Variants in HEATR5A observed in about 807,000 individuals in gnomAD.
HEATR5A encodes the protein HEAT repeat-containing protein 5A.
A neutral mutation model predicts 218.8 loss-of-function variants in HEATR5A; 178 were observed. That is an observed-to-expected ratio of 0.81 (90% CI 0.72 to 0.92). The LOEUF (loss-of-function observed/expected upper bound fraction) is 0.92, where lower values mean the gene tolerates loss of function less well. Ranked by LOEUF, HEATR5A falls within the 40% of genes least tolerant of loss-of-function variation. HEATR5A has a pLI of 0.00. For missense variants in HEATR5A, 2,420 were observed against 2,418.9 expected (o/e 1.00, Z -0.01); for synonymous variants, 864 against 871.6 (o/e 0.99, Z 0.15).
At chr14:31,395,447 A>G (rs2139296467) in intron 4 of HEATR5A, 99 bp from the exon 5 acceptor site, 1 of 559,562 alleles carries the variant, frequency 1.8e-6, no homozygotes. Context: ...AAATATCCAG[A>G]CTTCTCTACA....
rs1383139678 is a variant in HEATR5A, at chr14:31,386,409, A to G, written c.1345+11T>C. ...GTACAAGGTATTCCAATGAGTCACA[A>G]ACAGATATACCTGTACTTGAATCCT... is the stretch of plus-strand genomic sequence containing the variant. On this transcript the variant is annotated intron_variant, in intron 9 of 35. Transcript: ENST00000543095. 1 of 1,610,082 alleles carries G rather than the reference A, an allele frequency of 6.2e-7. No homozygotes were observed. The highest frequency in any genetic ancestry group is 1.3e-5 in the African/African-American group (1 of 74,810).
chr14:31,297,313 A>ACAAAG (rs1486370752), intron 33 of HEATR5A: 1 of 151,684 alleles, frequency 6.6e-6, no homozygotes, highest in Non-Finnish European at 1.5e-5. Context: ...ACAAAACAAA[A>ACAAAG]CAAACATCAC....
intron 10 of HEATR5A, among the ~76,000 whole-genome samples, chr14:31,381,543 G>A (rs995648185): frequency 6.1e-4 from 38 of 62,672 alleles, no homozygotes; most frequent in African/African-American, 2.3e-3. Context: ...AATAAAGAAA[G>A]ACCATGTCTC....
chr14:31,378,728 C>T (rs1173077104), intron 11 of HEATR5A, among the ~76,000 whole-genome samples: 1 of 142,520 alleles, frequency 7.0e-6, no homozygotes, highest in African/African-American at 2.6e-5. Flanking sequence ...GTAGAGCTTG[C>T]AGTGAGCCGA....
rs1483304115 is a variant in HEATR5A, at chr14:31,321,559, A to C, written c.3909T>G (p.Phe1303Leu). Residue 1303 changes from phenylalanine to leucine, a missense_variant, in exon 25 of 36, where the codon TTT (phenylalanine) becomes TTG (leucine). Coordinates refer to ENST00000543095, the MANE Select transcript of HEATR5A (RefSeq NM_015473.4). ...GAAACTCTGGTTCTGGAACAGTTGC[A>C]AATCGCCGAATAACAACTAACAGCA... is the stretch of plus-strand genomic sequence containing the variant. ...LEMLLVVIRR[F>L]ATVPEPEFPG... 1 of 1,606,352 alleles carries C rather than the reference A, an allele frequency of 6.2e-7. No homozygotes were observed. The highest frequency in any genetic ancestry group is 1.3e-5 in the African/African-American group (1 of 74,806).
intron 34 of HEATR5A, among the ~76,000 whole-genome samples, chr14:31,295,195 T>C (rs778890803): frequency 2.0e-5 from 3 of 152,084 alleles, no homozygotes; most frequent in Non-Finnish European, 4.4e-5. Context: ...TTTGTGTGTA[T>C]TGCTTTTGGA....
At chr14:31,388,773 T>G in intron 7 of HEATR5A, 72 bp downstream of exon 7, 3 of 1,203,738 alleles carry the variant, frequency 2.5e-6, no homozygotes, top group Middle Eastern at 1.9e-4. Flanking sequence ...ACCACTTCTG[T>G]GGAGTCAGAT....
At chr14:31,400,155 GTTTCTTT>G (rs1187469348) in intron 3 of HEATR5A, 139 bp downstream of exon 3, 2 of 545,218 alleles carry the variant, frequency 3.7e-6, no homozygotes, top group Non-Finnish European at 3.2e-6. Context: ...AAAAGTGTTA[GTTTCTTT>G]TTTAAGTTAG....
At chr14:31,416,157 G>A (rs1269466755) in intron 1 of HEATR5A, among the ~76,000 whole-genome samples, 3 of 151,932 alleles carry the variant, frequency 2.0e-5, no homozygotes, top group Admixed American at 6.6e-5. Flanking sequence ...TCGCTCTGTC[G>A]CCTAGGCTGC....
intron 33 of HEATR5A, 56 bp from the exon 34 acceptor site, chr14:31,296,119 G>C: frequency 7.0e-7 from 1 of 1,438,178 alleles, no homozygotes; most frequent in Non-Finnish European, 9.7e-7. Flanking sequence ...ATATACCTGT[G>C]TGAAGCTGTC....
chr14:31,348,476 G>T (rs1201309092), intron 18 of HEATR5A, among the ~76,000 whole-genome samples: 1 of 152,116 alleles, frequency 6.6e-6, no homozygotes, highest in Non-Finnish European at 1.5e-5. Context: ...CCAGTCACTC[G>T]GGAGGCTGAG....
intron 28 of HEATR5A, among the ~76,000 whole-genome samples, chr14:31,311,330 G>C (rs1312950697): frequency 6.6e-6 from 1 of 152,030 alleles, no homozygotes; most frequent in Non-Finnish European, 1.5e-5. Context: ...TGTAAAGCTT[G>C]TATGTCTTTA....
chr14:31,416,164 C>G (rs2031439098), intron 1 of HEATR5A, among the ~76,000 whole-genome samples: 1 of 152,138 alleles, frequency 6.6e-6, no homozygotes, highest in Admixed American at 6.5e-5. Context: ...GTCGCCTAGG[C>G]TGCAGTGCAG....
At chr14:31,347,642 C>A in intron 19 of HEATR5A, 106 bp downstream of exon 19, 1 of 849,868 alleles carries the variant, frequency 1.2e-6, no homozygotes, top group Non-Finnish European at 1.6e-6. Context: ...TCCACAATTA[C>A]TATGGGAGGA....
Position 31,386,549 on chromosome 14 carries a change from C to T in HEATR5A, c.1216G>A (p.Glu406Lys). Residue 406 changes from glutamate to lysine, a missense_variant, in exon 9 of 36, where the codon GAA becomes AAA. Coordinates refer to ENST00000543095, the MANE Select transcript of HEATR5A (RefSeq NM_015473.4). ...ACATCTGTGGAACCAAGCCGGGTTT[C>T]CAAATTACCATCACTCATTACGGCA... is the stretch of plus-strand genomic sequence containing the variant. ...MDAVMSDGNL[E>K]TRLGSTDVAA... The T allele has an allele frequency of 6.3e-7, 1 of 1,599,218 alleles. No individual in the cohort carries two copies. The highest frequency in any genetic ancestry group is 8.5e-7 in the Non-Finnish European group (1 of 1,174,054).
intron 22 of HEATR5A, among the ~76,000 whole-genome samples, chr14:31,336,217 CATATATATATATATATATAT>C (rs3033610): frequency 0.28 from 10,600 of 38,286 alleles, 865 homozygotes; most frequent in Middle Eastern, 0.38. Context: ...TACATACATA[CATATATATATATATATATAT>C]ATATATATAT....
At chr14:31,308,099 G>A in intron 29 of HEATR5A, 79 bp from the exon 30 acceptor site, 31 of 1,314,600 alleles carry the variant, frequency 2.4e-5, no homozygotes, top group South Asian at 7.6e-5. Context: ...CTTATATTTT[G>A]GTAAGATATA....
chr14:31,337,654 T>C (rs1319039360), intron 21 of HEATR5A, 40 bp from the exon 22 acceptor site: 2 of 1,571,828 alleles, frequency 1.3e-6, no homozygotes, highest in Non-Finnish European at 1.7e-6. Flanking sequence ...GCTAAAATTC[T>C]TGTTGGCACT....
At chr14:31,354,265 A>G (rs10134178) in intron 16 of HEATR5A, among the ~76,000 whole-genome samples, 152,055 of 152,324 alleles carry the variant, frequency 1, 75,895 homozygotes, top group East Asian at 1. Flanking sequence ...ATCTGTTATC[A>G]TGAAATTGTA....
Sources: allele counts gnomAD v4.1 joint callset (sites outside exome capture counted in the v4.1 genomes callset), GRCh38; gene constraint gnomAD v4.1.1; transcripts MANE v1.5; gene names NCBI Gene and HGNC (gene_info 2026-07-23, HGNC 2026-07-21).